CAMK2D: variants seen among roughly 807,000 people sequenced by gnomAD.
CAMK2D encodes calcium/calmodulin dependent protein kinase II delta.
In CAMK2D, 37 loss-of-function variants were observed where a neutral mutation model predicts 84.0. The ratio of observed to expected loss-of-function variants is 0.44; its 90% CI spans 0.34 to 0.58. The LOEUF is 0.58. Ranked by LOEUF, CAMK2D falls within the 20% of genes least tolerant of loss-of-function variation. The probability of loss-of-function intolerance (pLI) is 0.02; values close to 1 mark genes in which losing one functional copy is unlikely to be tolerated. For synonymous variants in CAMK2D, 202 were observed against 212.5 expected (o/e 0.95, Z 0.43); for missense variants, 448 against 652.5 (o/e 0.69, Z 3.41).
chr4:113,611,867 CTAATA>C (rs1361493981), intron 3 of CAMK2D, among the ~76,000 whole-genome samples: 3 of 152,082 alleles, frequency 2.0e-5, no homozygotes, highest in Non-Finnish European at 4.4e-5. Context: ...AAAATAATCT[CTAATA>C]TGTCTAACCA....
chr4:113,479,898 A>G (rs1367176968), intron 16 of CAMK2D, among the ~76,000 whole-genome samples: 2 of 152,094 alleles, frequency 1.3e-5, no homozygotes, highest in Non-Finnish European at 1.5e-5. Context: ...TGTTATTATT[A>G]TTTTCAGGTT....
At chr4:113,721,657 T>C (rs933960314) in intron 2 of CAMK2D, among the ~76,000 whole-genome samples, 3 of 152,216 alleles carry the variant, frequency 2.0e-5, no homozygotes, top group African/African-American at 7.2e-5. Context: ...CACAAGCCTC[T>C]TCAGAGTTTC....
At chr4:113,557,444 C>T (rs1259739387) in intron 4 of CAMK2D, among the ~76,000 whole-genome samples, 5 of 152,222 alleles carry the variant, frequency 3.3e-5, no homozygotes, top group Non-Finnish European at 7.3e-5. Context: ...AAGCTCCTTC[C>T]TGCCCTAGGG....
chr4:113,557,025 G>C (rs890696177), intron 4 of CAMK2D, among the ~76,000 whole-genome samples: 1 of 152,096 alleles, frequency 6.6e-6, no homozygotes, highest in Non-Finnish European at 1.5e-5. Flanking sequence ...TCAGGGTGAA[G>C]AGGCCCAACC....
At chr4:113,617,502 C>T (rs1341298574) in intron 3 of CAMK2D, among the ~76,000 whole-genome samples, 1 of 151,594 alleles carries the variant, frequency 6.6e-6, no homozygotes, top group African/African-American at 2.4e-5. Flanking sequence ...AGACATCTGT[C>T]GTGGTCTATC....
intron 5 of CAMK2D, among the ~76,000 whole-genome samples, chr4:113,549,075 A>C (rs1426604459): frequency 6.6e-6 from 1 of 152,228 alleles, no homozygotes; most frequent in Non-Finnish European, 1.5e-5. Context: ...TTCTGGGAAA[A>C]TTCTTCAGAG....
At chr4:113,682,609 C>T (rs1040893744) in intron 2 of CAMK2D, among the ~76,000 whole-genome samples, 2 of 152,074 alleles carry the variant, frequency 1.3e-5, no homozygotes, top group African/African-American at 2.4e-5. Flanking sequence ...TTCTCCTCTA[C>T]TCCAACTTAA....
intron 2 of CAMK2D, among the ~76,000 whole-genome samples, chr4:113,682,353 T>C (rs1181192250): frequency 1.3e-5 from 2 of 152,088 alleles, no homozygotes; most frequent in Non-Finnish European, 2.9e-5. Flanking sequence ...TAATTTCAAA[T>C]TTTAATTTAT....
At chr4:113,498,190 T>C (rs1240464167) in intron 16 of CAMK2D, among the ~76,000 whole-genome samples, 1 of 152,206 alleles carries the variant, frequency 6.6e-6, no homozygotes, top group Non-Finnish European at 1.5e-5. Flanking sequence ...TAAGAGAGCA[T>C]AATTATTCAC....
At chr4:113,542,898 T>TC (rs2098540431) in intron 6 of CAMK2D, among the ~76,000 whole-genome samples, 1 of 152,172 alleles carries the variant, frequency 6.6e-6, no homozygotes, top group Non-Finnish European at 1.5e-5. Context: ...CATCTATCCA[T>TC]CCGTCCAATG....
At chr4:113,529,749 C>T (rs1036889236) in intron 8 of CAMK2D, among the ~76,000 whole-genome samples, 1 of 152,168 alleles carries the variant, frequency 6.6e-6, no homozygotes, top group Non-Finnish European at 1.5e-5. Context: ...CTTCTGTCCC[C>T]TCGGGATGGT....
intron 7 of CAMK2D, among the ~76,000 whole-genome samples, chr4:113,536,617 T>C (rs1158511236): frequency 1.3e-5 from 2 of 151,892 alleles, no homozygotes; most frequent in African/African-American, 4.8e-5. Context: ...ACATGGGAAG[T>C]GGGTTGGATA....
intron 2 of CAMK2D, among the ~76,000 whole-genome samples, chr4:113,698,419 T>G (rs997044849): frequency 6.6e-6 from 1 of 152,130 alleles, no homozygotes; most frequent in Non-Finnish European, 1.5e-5. Flanking sequence ...TCTCAATAGA[T>G]GTACCTTGTA....
Position 113,761,373 on chromosome 4 carries a change from G to T in CAMK2D, c.-305C>A. ...TTCCAGTCCCTGTCCCCAAATGCAGGGGGTAAAGTACTCAAGAAGAGGGGG... is the reference window on the plus strand; with the variant it reads ...TTCCAGTCCCTGTCCCCAAATGCAGTGGGTAAAGTACTCAAGAAGAGGGGG... On this transcript the variant is annotated 5_prime_UTR_variant, in exon 1 of 21. Transcript: ENST00000511664. 1 of 1,329,452 alleles carries T rather than the reference G, an allele frequency of 7.5e-7. No homozygotes were observed. Among genetic ancestry groups the T allele is most frequent in the Non-Finnish European group, 9.7e-7 (1 of 1,033,120 alleles). 82.4% of individuals were successfully genotyped at this position (1,329,452 alleles called of 1,614,324 possible).
At chr4:113,599,108 A>C (rs2098940501) in intron 4 of CAMK2D, among the ~76,000 whole-genome samples, 1 of 152,210 alleles carries the variant, frequency 6.6e-6, no homozygotes, top group South Asian at 2.1e-4. Context: ...TAACAATGGA[A>C]TATCACTACA....
At chr4:113,556,859 A>G (rs2098668415) in intron 4 of CAMK2D, among the ~76,000 whole-genome samples, 1 of 152,204 alleles carries the variant, frequency 6.6e-6, no homozygotes. Flanking sequence ...ATAATGGGAC[A>G]TTGTCTCTTC....
rs948635391 is a variant in CAMK2D at position 113,452,703 on chromosome 4, C to T, written c.*1842G>A. The T allele has an allele frequency of 3.3e-5, 5 of 151,882 alleles. No homozygotes were observed. The highest frequency in any genetic ancestry group is 1.3e-4 in the Admixed American group (2 of 15,176). The allele number at this position is 151,882 out of a possible 1,614,324, so 9.4% of individuals were successfully genotyped here. A position where few individuals can be genotyped will look rare whatever the true frequency, so the allele number is the denominator to read the frequency against. ...TTTTTCTTTAAATACATGTATGCCACGTATAGCTGCTTCACAAAAGGGTAA... is the reference window on the plus strand; with the variant it reads ...TTTTTCTTTAAATACATGTATGCCATGTATAGCTGCTTCACAAAAGGGTAA... On this transcript the variant is annotated 3_prime_UTR_variant, in exon 21 of 21. Coordinates refer to ENST00000511664, the MANE Select transcript of CAMK2D (RefSeq NM_001321571.2).
chr4:113,738,615 A>C (rs2099586410), intron 2 of CAMK2D, among the ~76,000 whole-genome samples: 1 of 152,110 alleles, frequency 6.6e-6, no homozygotes, highest in Non-Finnish European at 1.5e-5. Context: ...TGGTTCCTGT[A>C]TCTCCTTCTT....
chr4:113,655,395 A>G (rs2099194705), intron 3 of CAMK2D, among the ~76,000 whole-genome samples: 1 of 152,080 alleles, frequency 6.6e-6, no homozygotes, highest in Non-Finnish European at 1.5e-5. Context: ...GACGTGATCT[A>G]GAAAGGTTAA....
Sources: gnomAD v4.1 joint callset for allele counts (sites outside exome capture counted in the v4.1 genomes callset) on GRCh38, gnomAD v4.1.1 for gene constraint, MANE v1.5 for transcripts, NCBI Gene and HGNC (gene_info 2026-07-23, HGNC 2026-07-21) for gene names.